The following MCU variants were observed in gnomAD, a reference collection of about 807,000 sequenced individuals.
MCU encodes the protein mitochondrial calcium uniporter.
In MCU, 12 loss-of-function variants were observed where a neutral mutation model predicts 45.2. The observed-to-expected ratio is 0.27, with a 90% CI of 0.17 to 0.43. MCU has a LOEUF of 0.43. Ranked by LOEUF, MCU falls within the 20% of genes least tolerant of loss-of-function variation. The pLI is 1.00. For missense variants in MCU, 324 were observed against 436.7 expected (o/e 0.74, Z 2.30); for synonymous variants, 160 against 165.1 (o/e 0.97, Z 0.24).
intron 6 of MCU, among the ~76,000 whole-genome samples, chr10:72,876,047 A>G (rs1845611975): frequency 6.6e-6 from 1 of 152,216 alleles, no homozygotes; most frequent in East Asian, 1.9e-4. Context: ...TTAAAAAGCT[A>G]CTTAGGGTGG....
At chr10:72,787,035 C>T (rs921930533) in intron 1 of MCU, among the ~76,000 whole-genome samples, 4 of 152,082 alleles carry the variant, frequency 2.6e-5, no homozygotes, top group African/African-American at 9.7e-5. Flanking sequence ...TTTAATCTCA[C>T]GCTTAAAGGG....
chr10:72,861,648 C>G (rs1480589999), intron 4 of MCU: 3 of 379,218 alleles, frequency 7.9e-6, no homozygotes, highest in Non-Finnish European at 1.5e-5. Context: ...TGCCCAGCCG[C>G]CAGGCTAATT....
chr10:72,808,450 A>G (rs941763260), intron 1 of MCU, among the ~76,000 whole-genome samples: 1 of 152,230 alleles, frequency 6.6e-6, no homozygotes, highest in Non-Finnish European at 1.5e-5. Flanking sequence ...TTTCAGGTAC[A>G]TTCTTAATAT....
Position 72,721,042 on chromosome 10 carries a change from C to T in MCU, c.150+28741C>T, listed in dbSNP as rs183259402. The T allele has an allele frequency of 2.3e-3, 360 of 154,130 alleles. 1 individual carries two copies. Among genetic ancestry groups the T allele is most frequent in the Non-Finnish European group, 4.2e-3 (287 of 68,056 alleles). The allele number at this position is 154,130 out of a possible 1,614,324, so 9.5% of individuals were successfully genotyped here. On this transcript the variant is annotated intron_variant, in intron 1 of 7. Coordinates refer to ENST00000373053, the MANE Select transcript of MCU (RefSeq NM_138357.3). ...ATATCCAGAGCCTGAATGAAAGAGC[C>T]AGTGGTGAGACAGTGAGTTGATTAC... is the stretch of plus-strand genomic sequence containing the variant.
chr10:72,779,523 G>C (rs1337818644), intron 1 of MCU, among the ~76,000 whole-genome samples: 2 of 152,184 alleles, frequency 1.3e-5, no homozygotes, highest in Non-Finnish European at 2.9e-5. Context: ...GATATTTGCA[G>C]ATCATTTATT....
rs944139165 is a variant in MCU, at chr10:72,780,930, T to C, written c.151-53429T>C. Among the ~76,000 whole-genome samples, 3 of 152,256 alleles carry C rather than the reference T, an allele frequency of 2.0e-5. No homozygotes were observed. The East Asian group carries it at 5.8e-4, about 29-fold the overall frequency. On this transcript the variant is annotated intron_variant, in intron 1 of 7. Coordinates refer to ENST00000373053, the MANE Select transcript of MCU (RefSeq NM_138357.3). ...ATGAAACACTGAATGGTGTTTTAAT[T>C]TGGTGACATTGTGATACCCGTTTAG...
chr10:72,740,109 C>T (rs1172030215), intron 1 of MCU, among the ~76,000 whole-genome samples: 2 of 150,246 alleles, frequency 1.3e-5, no homozygotes, highest in African/African-American at 4.9e-5. Flanking sequence ...TCACCGGGCA[C>T]GGTGGCTCAC....
intron 1 of MCU, among the ~76,000 whole-genome samples, chr10:72,714,615 G>A (rs1442504275): frequency 6.6e-6 from 1 of 151,880 alleles, no homozygotes; most frequent in Non-Finnish European, 1.5e-5. Flanking sequence ...CATGATCTCA[G>A]CTCACCGCAA....
rs1844927232 is a variant in MCU, at chr10:72,834,484, T to C, written c.220+56T>C. 6.2e-6 allele frequency: 9 copies of C among 1,456,330 alleles called. No homozygotes were observed. The South Asian group carries it at 9.4e-5, about 15-fold the overall frequency. 90.2% of individuals were successfully genotyped at this position (1,456,330 alleles called of 1,614,324 possible). On this transcript the variant is annotated intron_variant, in intron 2 of 7. Coordinates refer to ENST00000373053, the MANE Select transcript of MCU (RefSeq NM_138357.3). Reference sequence around the variant, plus strand: ...TAATATTATTTCCTTCTTAGCTCAGTGTTTCCTATTCTCTGACACAAAAAT... The same window carrying C: ...TAATATTATTTCCTTCTTAGCTCAGCGTTTCCTATTCTCTGACACAAAAAT...
chr10:72,742,034 A>C (rs961238793), intron 1 of MCU, among the ~76,000 whole-genome samples: 3 of 151,688 alleles, frequency 2.0e-5, no homozygotes, highest in African/African-American at 4.8e-5. Context: ...AAAAAAAAAA[A>C]AAAAAAAAAA....
At position 72,729,161 on chromosome 10, in the gene MCU, A is replaced by G. The variant is rs559250105; in HGVS notation, c.150+36860A>G. Among the ~76,000 whole-genome samples the G allele has an allele frequency of 3.3e-5, 5 of 152,268 alleles. No individual in the cohort carries two copies. In the South Asian group the frequency reaches 1.0e-3, roughly 32 times the overall value. ...GTTGAAGAATAGCATTATATAGTAA[A>G]GTGATAGAAAACTGTATTTTAGGCC... is the stretch of plus-strand genomic sequence containing the variant. On this transcript the variant is annotated intron_variant, in intron 1 of 7. Transcript: ENST00000373053.
intron 1 of MCU, among the ~76,000 whole-genome samples, chr10:72,700,780 T>A (rs1842750331): frequency 6.6e-6 from 1 of 152,216 alleles, no homozygotes; most frequent in South Asian, 2.1e-4. Context: ...TTTAATGATG[T>A]TAATACTATT....
chr10:72,861,656 ATT>A (rs760388938), intron 4 of MCU: 9,471 of 319,514 alleles, frequency 0.03, no homozygotes, highest in South Asian at 0.045. Flanking sequence ...CGCCAGGCTA[ATT>A]TTTTTTTTTT....
At chr10:72,829,008 C>T (rs1358211483) in intron 1 of MCU, among the ~76,000 whole-genome samples, 1 of 152,126 alleles carries the variant, frequency 6.6e-6, no homozygotes, top group Non-Finnish European at 1.5e-5. Flanking sequence ...ACCAAATCAC[C>T]TTATTCATTT....
chr10:72,831,008 C>T lies in MCU; in HGVS notation c.151-3351C>T, dbSNP rs576065405. On this transcript the variant is annotated intron_variant, in intron 1 of 7. Transcript: ENST00000373053. The stretch of plus-strand genomic sequence containing the variant: ...TTAGCTCTCATGAGTCCTACTTCTA[C>T]AGGAAGATGTGCAGCCAACCAAGAA... 2.6e-5 allele frequency among the ~76,000 whole-genome samples: 4 copies of T among 152,290 alleles called. No homozygotes were observed. The South Asian group carries it at 8.3e-4, about 32-fold the overall frequency.
At chr10:72,876,015 G>A (rs528734282) in intron 6 of MCU, among the ~76,000 whole-genome samples, 4 of 152,202 alleles carry the variant, frequency 2.6e-5, no homozygotes, top group South Asian at 2.1e-4. Flanking sequence ...TGGGAAGGAG[G>A]AGTAATCAGG....
chr10:72,844,286 C>G (rs1375384134), intron 2 of MCU, among the ~76,000 whole-genome samples: 1 of 152,128 alleles, frequency 6.6e-6, no homozygotes, highest in East Asian at 1.9e-4. Context: ...ACTCAGGAGG[C>G]TGAGGCAGAA....
chr10:72,728,836 A>C (rs888193851), intron 1 of MCU, among the ~76,000 whole-genome samples: 1 of 152,346 alleles, frequency 6.6e-6, no homozygotes, highest in Admixed American at 6.5e-5. Context: ...TGTTAACCCC[A>C]TGAACTATTG....
chr10:72,781,103 AAG>A (rs970973804), intron 1 of MCU, among the ~76,000 whole-genome samples: 3 of 152,218 alleles, frequency 2.0e-5, no homozygotes, highest in African/African-American at 4.8e-5. Flanking sequence ...AGTGGGCAGA[AAG>A]AGGATGGAAC....
Sources: allele counts gnomAD v4.1 joint callset (sites outside exome capture counted in the v4.1 genomes callset), GRCh38; gene constraint gnomAD v4.1.1; transcripts MANE v1.5; gene names NCBI Gene and HGNC (gene_info 2026-07-23, HGNC 2026-07-21).